Variants in FNBP1 observed in about 807,000 individuals in gnomAD.
FNBP1 encodes the protein formin binding protein 1.
FNBP1 carries 26 observed loss-of-function variants against 90.6 expected under a neutral mutation model. The ratio of observed to expected loss-of-function variants is 0.29; its 90% confidence interval spans 0.21 to 0.40. The LOEUF is 0.40. FNBP1 is among the 10% of genes least tolerant of loss of function. FNBP1 has a pLI of 1.00. For missense variants in FNBP1, 635 were observed against 768.0 expected, an observed-to-expected ratio of 0.83 and a Z score of 2.05; for synonymous variants, 260 against 265.2, an observed-to-expected ratio of 0.98 and a Z score of 0.19.
At position 130,008,698 on chromosome 9, in the gene FNBP1, G is replaced by T. The variant is rs111893424; in HGVS notation, c.25-13740C>A. ...GATTTCTATGCAGAGATTGGACCACGAAAGCTGTCTAAATATGAATTGGTC... is the reference window on the plus strand; with the variant it reads ...GATTTCTATGCAGAGATTGGACCACTAAAGCTGTCTAAATATGAATTGGTC... On this transcript the variant is annotated intron_variant, in intron 1 of 16. Transcript: ENST00000446176. Among the ~76,000 whole-genome samples the T allele has an allele frequency of 6.6e-3, 1,007 of 152,242 alleles. 5 individuals are homozygous for T. The highest frequency in any genetic ancestry group is 0.014 in the East Asian group (71 of 5,180).
intron 1 of FNBP1, among the ~76,000 whole-genome samples, chr9:130,034,312 C>CAA (rs3055753): frequency 1.6e-4 from 19 of 118,394 alleles, no homozygotes; most frequent in South Asian, 5.6e-4. Flanking sequence ...GACTCCATCT[C>CAA]AAAAAAAAAA....
In FNBP1 at chr9:130,042,776, T is replaced by A. The variant is rs1313131371; in HGVS notation, c.24+176A>T. On this transcript the variant is annotated intron_variant, in intron 1 of 16. Transcript: ENST00000446176. This position sits in a 1 kb window ranked among gnomAD's most constrained non-coding sequence, Gnocchi z 5.5. ...GAAGGACAAGCCGGCCCGCACCTCC[T>A]GCTCGGGCCAAGGCGGACGAGGGGC... 6.6e-6 allele frequency among the ~76,000 whole-genome samples: 1 copy of A among 151,644 alleles called. No homozygotes were observed. The highest frequency in any genetic ancestry group is 1.5e-5 in the Non-Finnish European group (1 of 67,846).
In FNBP1 at chr9:129,890,100, G is replaced by A. The variant is rs1470939207; in HGVS notation, c.*439C>T. On this transcript the variant is annotated 3_prime_UTR_variant, in exon 17 of 17. Coordinates refer to ENST00000446176, the MANE Select transcript of FNBP1 (RefSeq NM_015033.3). This position sits in a 1 kb window ranked among gnomAD's most constrained non-coding sequence, Gnocchi z 5.8. ...ATGACATCGACACGGATGACATCGAGTGCTCAGTCCGCCTGATGTGCGCTG... is the reference window on the plus strand; with the variant it reads ...ATGACATCGACACGGATGACATCGAATGCTCAGTCCGCCTGATGTGCGCTG... The A allele has an allele frequency of 1.8e-5, 5 of 284,956 alleles. No individual in the cohort carries two copies. The highest frequency in any genetic ancestry group is 1.5e-4 in the Admixed American group (3 of 19,476). 17.7% of individuals were successfully genotyped at this position (284,956 alleles called of 1,614,324 possible). A position where few individuals can be genotyped will look rare whatever the true frequency, so the allele number is the denominator to read the frequency against.
chr9:129,919,427 A>G (rs986825911), intron 10 of FNBP1, among the ~76,000 whole-genome samples: 1 of 152,224 alleles, frequency 6.6e-6, no homozygotes, highest in Non-Finnish European at 1.5e-5. Flanking sequence ...AGTCTCTTGC[A>G]CAGGCCAGAA....
intron 4 of FNBP1, among the ~76,000 whole-genome samples, chr9:129,963,634 T>TAAAA (rs35165248): frequency 0.013 from 1,452 of 107,728 alleles, 12 homozygotes; most frequent in African/African-American, 0.021. Context: ...TTTTTTTTTT[T>TAAAA]AAAAAAACAA....
intron 1 of FNBP1, among the ~76,000 whole-genome samples, chr9:130,030,460 A>G (rs1479112068): frequency 1.3e-5 from 2 of 151,664 alleles, no homozygotes; most frequent in Admixed American, 1.3e-4. Flanking sequence ...AAATCTAAAC[A>G]TAACTAACTG....
At chr9:129,938,153 AC>A (rs2043765154) in intron 6 of FNBP1, among the ~76,000 whole-genome samples, 1 of 152,108 alleles carries the variant, frequency 6.6e-6, no homozygotes, top group Non-Finnish European at 1.5e-5. Context: ...ACAGAGTGAG[AC>A]TCTGTCTCAA....
chr9:129,899,224 C>G (rs1276000174), intron 15 of FNBP1, among the ~76,000 whole-genome samples: 1 of 151,820 alleles, frequency 6.6e-6, no homozygotes. Context: ...ATTACAGGCG[C>G]CTGCCAGCAT....
intron 1 of FNBP1, among the ~76,000 whole-genome samples, chr9:130,004,981 G>T (rs1476720370): frequency 1.3e-5 from 2 of 148,932 alleles, no homozygotes; most frequent in Admixed American, 6.9e-5. Context: ...CAGGAGAATC[G>T]CTTGAACCCA....
At chr9:130,049,354 A>G in the FNBP1 span, among the ~76,000 whole-genome samples, 1 of 152,132 alleles carries the variant, frequency 6.6e-6, no homozygotes, top group East Asian at 1.9e-4. Flanking sequence ...ATGCCACTGC[A>G]CTCCTGAGAG....
intron 1 of FNBP1, among the ~76,000 whole-genome samples, chr9:130,028,489 C>T (rs1401648310): frequency 6.6e-6 from 1 of 152,024 alleles, no homozygotes; most frequent in Non-Finnish European, 1.5e-5. Context: ...AAATTGAATG[C>T]CCATCAGTGG....
chr9:129,900,673 T>G lies in FNBP1; in HGVS notation c.1429-126A>C. 1 of 1,014,450 alleles carries G rather than the reference T, an allele frequency of 9.9e-7. No homozygotes were observed. Among genetic ancestry groups the G allele is most frequent in the East Asian group, 3.3e-5 (1 of 30,764 alleles). 62.8% of individuals were successfully genotyped at this position (1,014,450 alleles called of 1,614,324 possible). ...ATCCTAAGGTCCCAAACTCAGGGGC[T>G]ACTCTTGGCCATTTAACCCAATGTG... On this transcript the variant is annotated intron_variant, in intron 13 of 16. Transcript: ENST00000446176. The surrounding 1 kb of genome is among the most constrained non-coding windows in gnomAD (Gnocchi z 4.1).
chr9:129,907,580 GGTGTGTGTGTGTGTGTGT>G (rs55973122), intron 12 of FNBP1, among the ~76,000 whole-genome samples: 34 of 147,176 alleles, frequency 2.3e-4, no homozygotes, highest in East Asian at 4.0e-4. Context: ...TAGGAGTGAG[GGTGTGTGTGTGTGTGTGT>G]GTGTGTGTGT....
chr9:129,969,052 A>C (rs1258679211), intron 4 of FNBP1, among the ~76,000 whole-genome samples: 4 of 152,086 alleles, frequency 2.6e-5, no homozygotes, highest in Non-Finnish European at 4.4e-5. Context: ...AACCTCTAAA[A>C]CTCTTTTCTT....
Position 129,996,045 on chromosome 9 carries a change from G to C in FNBP1, c.25-1087C>G, listed in dbSNP as rs373415455. ...GACGTGGAGGCTGGCAAGGGTATGA[G>C]GGGGAGGGAGGATTCCAGAGTGACT... On this transcript the variant is annotated intron_variant, in intron 1 of 16. Transcript: ENST00000446176. Among the ~76,000 whole-genome samples the C allele has an allele frequency of 7.2e-5, 11 of 152,300 alleles. No individual in the cohort carries two copies. The East Asian group carries it at 2.1e-3, about 29-fold the overall frequency.
intron 6 of FNBP1, among the ~76,000 whole-genome samples, chr9:129,946,847 A>G (rs2045367657): frequency 6.6e-6 from 1 of 152,226 alleles, no homozygotes; most frequent in Non-Finnish European, 1.5e-5. Context: ...ACATGGATGA[A>G]CTCAGTTTAA....
At chr9:129,937,537 C>A (rs1050101805) in intron 6 of FNBP1, among the ~76,000 whole-genome samples, 1 of 151,536 alleles carries the variant, frequency 6.6e-6, no homozygotes, top group African/African-American at 2.4e-5. Flanking sequence ...TCAAGACCAG[C>A]CTGGCCAACA....
chr9:130,001,762 G>A (rs528281671), intron 1 of FNBP1, among the ~76,000 whole-genome samples: 54 of 151,932 alleles, frequency 3.6e-4, no homozygotes, highest in Middle Eastern at 3.4e-3. Flanking sequence ...GGTGGCTCAC[G>A]GCTATAATCC....
In FNBP1 at chr9:129,900,187, T is replaced by G. The variant is rs1159089727; in HGVS notation, c.1551-86A>C. On this transcript the variant is annotated intron_variant, in intron 14 of 16. Transcript: ENST00000446176. This position sits in a 1 kb window ranked among gnomAD's most constrained non-coding sequence, Gnocchi z 4.1. ...TGAGTCCCTGCGACTGGAGAGCACTTGCAACCCCGCCCCTCAGCGAGTGCT... is the reference window on the plus strand; with the variant it reads ...TGAGTCCCTGCGACTGGAGAGCACTGGCAACCCCGCCCCTCAGCGAGTGCT... 7.1e-7 allele frequency: 1 copy of G among 1,407,280 alleles called. No homozygotes were observed. Among genetic ancestry groups the G allele is most frequent in the Admixed American group, 2.7e-5 (1 of 36,864 alleles). 87.2% of individuals were successfully genotyped at this position (1,407,280 alleles called of 1,614,324 possible).
Sources: allele counts gnomAD v4.1 joint callset (sites outside exome capture counted in the v4.1 genomes callset), GRCh38; gene constraint gnomAD v4.1.1; non-coding constraint Gnocchi (gnomAD v3.1); transcripts MANE v1.5; gene names NCBI Gene and HGNC (gene_info 2026-07-23, HGNC 2026-07-21).